The following WWC1 variants were observed in gnomAD, a reference collection of about 807,000 sequenced individuals.
WWC1 encodes the protein protein KIBRA.
In WWC1, 55 loss-of-function variants were observed where a neutral mutation model predicts 138.4. The observed-to-expected ratio is 0.40, with a 90% confidence interval of 0.32 to 0.50. The LOEUF is 0.50. Ranked by LOEUF, WWC1 falls within the 20% of genes least tolerant of loss-of-function variation. The pLI is 0.72. For missense variants in WWC1, 1,226 were observed against 1,420.4 expected (o/e 0.86, Z 2.20); for synonymous variants, 524 against 564.9 (o/e 0.93, Z 1.03).
intron 11 of WWC1, among the ~76,000 whole-genome samples, chr5:168,427,497 C>T (rs755948572): frequency 8.0e-5 from 12 of 149,352 alleles, no homozygotes; most frequent in Non-Finnish European, 1.3e-4. Flanking sequence ...GATGGTAAAA[C>T]ACAAAATCAC....
At chr5:168,376,879 G>A (rs772400761) in intron 2 of WWC1, among the ~76,000 whole-genome samples, 7 of 152,180 alleles carry the variant, frequency 4.6e-5, no homozygotes, top group Admixed American at 1.3e-4. Context: ...CAGATTGAGT[G>A]CTATTCATAT....
At chr5:168,397,266 C>T (rs1778972982) in intron 3 of WWC1, among the ~76,000 whole-genome samples, 1 of 152,038 alleles carries the variant, frequency 6.6e-6, no homozygotes, top group Admixed American at 6.6e-5. Context: ...CCTCAGTCTC[C>T]TGACTAGCTG....
intron 6 of WWC1, among the ~76,000 whole-genome samples, chr5:168,406,892 A>G (rs1315648923): frequency 1.3e-5 from 2 of 152,160 alleles, no homozygotes; most frequent in Non-Finnish European, 1.5e-5. Context: ...CAGTGAGCCG[A>G]GATAGCACCA....
intron 15 of WWC1, among the ~76,000 whole-genome samples, chr5:168,438,993 T>C (rs12055261): frequency 0.2 from 31,125 of 151,952 alleles, 3,597 homozygotes; most frequent in East Asian, 0.4. Flanking sequence ...ATCTATCCTA[T>C]ATAGGTGACC....
At chr5:168,408,678 G>A (rs368294976) in intron 7 of WWC1, 25 bp downstream of exon 7, 4 of 1,612,578 alleles carry the variant, frequency 2.5e-6, no homozygotes, top group African/African-American at 2.7e-5. Flanking sequence ...CAGGTTGCTG[G>A]GGGCCTTCCA....
intron 5 of WWC1, among the ~76,000 whole-genome samples, chr5:168,403,318 C>T (rs749708821): frequency 2.3e-4 from 35 of 151,972 alleles, no homozygotes; most frequent in Non-Finnish European, 4.1e-4. Flanking sequence ...AGGATGGTCT[C>T]GATCTCCTGA....
At chr5:168,415,977 G>A (rs989013375) in intron 9 of WWC1, 1 of 152,072 alleles carries the variant, frequency 6.6e-6, no homozygotes, top group African/African-American at 2.4e-5. Flanking sequence ...AAGCAGTCGG[G>A]AGTCCTAGAG....
At chr5:168,340,444 A>C (rs2152777325) in intron 1 of WWC1, among the ~76,000 whole-genome samples, 1 of 151,582 alleles carries the variant, frequency 6.6e-6, no homozygotes, top group Middle Eastern at 3.4e-3. Flanking sequence ...TATTTTCATC[A>C]CCTCCCCACA....
At chr5:168,447,595 CA>C (rs1207454277) in intron 17 of WWC1, among the ~76,000 whole-genome samples, 1 of 151,948 alleles carries the variant, frequency 6.6e-6, no homozygotes. Flanking sequence ...TTAGACTGTC[CA>C]AAACAAAGCA....
At chr5:168,468,823 C>T in intron 22 of WWC1, 128 bp from the exon 23 acceptor site, 1 of 937,364 alleles carries the variant, frequency 1.1e-6, no homozygotes, top group Non-Finnish European at 1.6e-6. Flanking sequence ...GGTAAGAGGC[C>T]AAGGACGTTG....
At chr5:168,306,984 A>G (rs1010371542) in intron 1 of WWC1, among the ~76,000 whole-genome samples, 1 of 152,164 alleles carries the variant, frequency 6.6e-6, no homozygotes, top group Non-Finnish European at 1.5e-5. Flanking sequence ...CACATAATCT[A>G]CATCTTCGAG....
chr5:168,445,096 A>G (rs1755125488), intron 17 of WWC1, among the ~76,000 whole-genome samples: 1 of 151,936 alleles, frequency 6.6e-6, no homozygotes, highest in African/African-American at 2.4e-5. Context: ...TGGGTGGATC[A>G]CGACGTCAGG....
intron 17 of WWC1, among the ~76,000 whole-genome samples, chr5:168,445,857 A>G (rs1042434026): frequency 6.6e-6 from 1 of 152,086 alleles, no homozygotes; most frequent in Non-Finnish European, 1.5e-5. Flanking sequence ...ATAGCCCAAG[A>G]TGGCTGCTGG....
intron 1 of WWC1, among the ~76,000 whole-genome samples, chr5:168,294,018 C>T (rs765760369): frequency 6.6e-6 from 1 of 152,146 alleles, no homozygotes; most frequent in Non-Finnish European, 1.5e-5. Context: ...CATATGTGAC[C>T]TGCCCCAATT....
chr5:168,460,595 A>G, intron 19 of WWC1, 55 bp from the exon 20 acceptor site: 1 of 1,579,820 alleles, frequency 6.3e-7, no homozygotes, highest in Admixed American at 1.7e-5. Flanking sequence ...GCTTCAGTGC[A>G]CCTTCCAGAA....
intron 1 of WWC1, among the ~76,000 whole-genome samples, chr5:168,348,948 T>C (rs966052331): frequency 6.6e-6 from 1 of 152,150 alleles, no homozygotes; most frequent in African/African-American, 2.4e-5. Flanking sequence ...CCTACTGCTG[T>C]ACACACGTCA....
intron 1 of WWC1, among the ~76,000 whole-genome samples, chr5:168,321,477 T>A (rs1383857397): frequency 6.6e-6 from 1 of 151,680 alleles, no homozygotes; most frequent in Non-Finnish European, 1.5e-5. Context: ...GAAATCATTC[T>A]CCAACTCCCT....
At chr5:168,404,831 G>A (rs1435287396) in intron 5 of WWC1, among the ~76,000 whole-genome samples, 1 of 151,306 alleles carries the variant, frequency 6.6e-6, no homozygotes, top group African/African-American at 2.4e-5. Context: ...TTCTCCAGAA[G>A]CTCACCCCTG....
chr5:168,315,726 A>C (rs555390914), intron 1 of WWC1, among the ~76,000 whole-genome samples: 1 of 152,138 alleles, frequency 6.6e-6, no homozygotes, highest in Non-Finnish European at 1.5e-5. Context: ...CTGAGCGGCA[A>C]CGGAAGGGCT....
Sources: gnomAD v4.1 joint callset for allele counts (sites outside exome capture counted in the v4.1 genomes callset) on GRCh38, gnomAD v4.1.1 for gene constraint, MANE v1.5 for transcripts, NCBI Gene and HGNC (gene_info 2026-07-23, HGNC 2026-07-21) for gene names.